Variants in SHOX observed in about 807,000 individuals in gnomAD.
The protein encoded by SHOX is SHOX homeobox, also known as short stature homeobox protein.
Under a neutral mutation model 29.6 loss-of-function variants are expected in SHOX, and 12 were observed. The observed-to-expected ratio is 0.41, with a 90% confidence interval of 0.26 to 0.66. SHOX has a LOEUF of 0.66. Ranked by LOEUF, SHOX falls within the 30% of genes least tolerant of loss-of-function variation. The probability of loss-of-function intolerance (pLI) is 0.35; values close to 1 mark genes in which losing one functional copy is unlikely to be tolerated. For synonymous variants in SHOX, 214 were observed against 200.6 expected (o/e 1.07, Z -0.57); for missense variants, 499 against 437.7 (o/e 1.14, Z -1.25).
upstream of SHOX, chrX:630,745 G>A: frequency 1.0e-6 from 1 of 961,146 alleles, no homozygotes; most frequent in Non-Finnish European, 1.6e-6. Context: ...ATGGGGGGCT[G>A]GGCGAGGTCG....
intron 1 of SHOX, 108 bp from the exon 2 acceptor site, chrX:634,510 G>T: frequency 2.5e-6 from 3 of 1,204,680 alleles, no homozygotes; most frequent in South Asian, 1.3e-5. Context: ...GCGTCAAAGC[G>T]CATTGGTTTT....
At chrX:627,884 G>A (rs778308967), upstream of SHOX, among the ~76,000 whole-genome samples, 9 of 152,164 alleles carry the variant, frequency 5.9e-5, no homozygotes, top group Non-Finnish European at 1.5e-5. Context: ...GTTTTCGGTA[G>A]GGAGACAGTG....
At position 650,833 on chromosome X, in the gene SHOX, T is replaced by G. The variant is rs2053049614; in HGVS notation, c.*6197T>G. On this transcript the variant is annotated 3_prime_UTR_variant, in exon 5 of 5. Transcript: ENST00000686671. ...AAAAAAAAAAAACTGGTGCCTAATT[T>G]ATTAAAGAGAATTAGCTTAGCGAGT... is the stretch of plus-strand genomic sequence containing the variant. Among the ~76,000 whole-genome samples, 2 of 146,874 alleles carry G rather than the reference T, an allele frequency of 1.4e-5. No individual in the cohort carries two copies. The highest frequency in any genetic ancestry group is 2.5e-5 in the African/African-American group (1 of 40,298).
At position 650,808 on chromosome X, in the gene SHOX, A is replaced by AAAAAAAC. The variant is rs1556473192; in HGVS notation, c.*6178_*6179insCAAAAAA. Among the ~76,000 whole-genome samples the AAAAAAAC allele has an allele frequency of 8.2e-5, 12 of 147,150 alleles. No individual in the cohort carries two copies. The highest frequency in any genetic ancestry group is 3.9e-4 in the East Asian group (2 of 5,146). On this transcript the variant is annotated 3_prime_UTR_variant, in exon 5 of 5. Transcript: ENST00000686671. ...GTTTGACATTAAAAAAAAAAAAAAAAAAAAAAAAAAACTGGTGCCTAATTT... is the reference window on the plus strand; with the variant it reads ...GTTTGACATTAAAAAAAAAAAAAAAAAAAAAACAAAAAAAAAAACTGGTGCCTAATTT...
chrX:648,450 C>T lies in SHOX; in HGVS notation c.*3814C>T, dbSNP rs1156704804. 6.6e-6 allele frequency among the ~76,000 whole-genome samples: 1 copy of T among 152,212 alleles called. No individual in the cohort carries two copies. Among genetic ancestry groups the T allele is most frequent in the Non-Finnish European group, 1.5e-5 (1 of 68,042 alleles). On this transcript the variant is annotated 3_prime_UTR_variant, in exon 5 of 5. Transcript: ENST00000686671. ...CTGTGTTGGCCCGGCTGGTCTCAAA[C>T]TCCTGACCTCAGGTTGACCTGCCCG...
intron 5 of SHOX, among the ~76,000 whole-genome samples, chrX:658,340 C>G (rs2053176016): frequency 6.6e-6 from 1 of 151,952 alleles, no homozygotes; most frequent in South Asian, 2.1e-4. Context: ...TGAAGATAGA[C>G]AGACTCAGTG....
upstream of SHOX, among the ~76,000 whole-genome samples, chrX:628,624 C>T (rs1216716090): frequency 3.9e-5 from 1 of 25,594 alleles, no homozygotes; most frequent in Non-Finnish European, 7.8e-5. Context: ...TCTGTCTCTC[C>T]CTGTGTTTCT....
chrX:633,121 C>T (rs2052678978), intron 1 of SHOX, among the ~76,000 whole-genome samples: 1 of 152,156 alleles, frequency 6.6e-6, no homozygotes, highest in African/African-American at 2.4e-5. Context: ...GACTGCCACC[C>T]AGGCTACTAT....
chrX:624,718 T>TTTCTTTC (rs1569491584), intron 1 of SHOX: 1 of 143,832 alleles, frequency 7.0e-6, no homozygotes, highest in African/African-American at 2.7e-5. Flanking sequence ...TCTTTCTTTC[T>TTTCTTTC]TTCTTTCTTT....
At chrX:643,156 G>C (rs1017119645) in intron 4 of SHOX, among the ~76,000 whole-genome samples, 1 of 147,396 alleles carries the variant, frequency 6.8e-6, no homozygotes, top group Non-Finnish European at 1.5e-5. Context: ...TGTCCTGAAA[G>C]AGCCTTGGGG....
At chrX:625,624 T>C (rs2052512698) in intron 1 of SHOX, among the ~76,000 whole-genome samples, 2 of 151,354 alleles carry the variant, frequency 1.3e-5, no homozygotes, top group South Asian at 4.2e-4. Context: ...TCTCTGTCTC[T>C]GTCTGTATCT....
At chrX:640,326 GAGAGCA>G (rs2124181775) in intron 2 of SHOX, among the ~76,000 whole-genome samples, 2 of 151,210 alleles carry the variant, frequency 1.3e-5, no homozygotes, top group East Asian at 3.9e-4. Flanking sequence ...GCCTGGACCA[GAGAGCA>G]AGACTCCGTC....
downstream of SHOX, among the ~76,000 whole-genome samples, chrX:655,900 C>T (rs73607290): frequency 0.058 from 8,812 of 151,642 alleles, 326 homozygotes; most frequent in South Asian, 0.12. Flanking sequence ...TTAGGCTGGA[C>T]GTGGTAGCTC....
chrX:651,926 A>ATT (rs61105511), downstream of SHOX, among the ~76,000 whole-genome samples: 2 of 148,382 alleles, frequency 1.3e-5, no homozygotes, highest in Admixed American at 6.7e-5. Flanking sequence ...TAATTAATTT[A>ATT]TTTTTTTTTT....
In SHOX at chrX:644,870, T is replaced by C. The variant is rs2124195361; in HGVS notation, c.*234T>C. ...GGCGGAGCGGGTGAGCGGCCGTGCG[T>C]CCAGCCCGGGCCTCTCCAAGGCTGC... On this transcript the variant is annotated 3_prime_UTR_variant, in exon 5 of 5. Coordinates refer to ENST00000686671, the MANE Select transcript of SHOX (RefSeq NM_000451.4). The C allele has an allele frequency of 1.9e-6, 1 of 539,558 alleles. No individual in the cohort carries two copies. The highest frequency in any genetic ancestry group is 3.0e-6 in the Non-Finnish European group (1 of 335,208). 33.4% of individuals were successfully genotyped at this position (539,558 alleles called of 1,614,324 possible).
intron 2 of SHOX, among the ~76,000 whole-genome samples, chrX:636,970 A>ATATAT (rs1458275715): frequency 3.6e-5 from 5 of 137,322 alleles, no homozygotes; most frequent in African/African-American, 1.1e-4. Flanking sequence ...ATATATATAT[A>ATATAT]TTTTGGCTCC....
chrX:644,262 C>G (rs1343921556), intron 4 of SHOX, 129 bp from the exon 5 acceptor site: 52 of 1,241,464 alleles, frequency 4.2e-5, no homozygotes, highest in Non-Finnish European at 5.2e-5. Context: ...GGGGTGGTCT[C>G]CACGGCTGGA....
intron 5 of SHOX, among the ~76,000 whole-genome samples, chrX:658,526 A>G (rs745577765): frequency 5.4e-5 from 8 of 148,052 alleles, no homozygotes; most frequent in South Asian, 2.1e-4. Context: ...GCTGGAGTGC[A>G]GTGGCACGAT....
chrX:627,892 G>A (rs2052566923), upstream of SHOX, among the ~76,000 whole-genome samples: 1 of 152,186 alleles, frequency 6.6e-6, no homozygotes, highest in Admixed American at 6.5e-5. Context: ...TAGGGAGACA[G>A]TGAGCAGCTG....
Sources: allele counts gnomAD v4.1 joint callset (sites outside exome capture counted in the v4.1 genomes callset), GRCh38; gene constraint gnomAD v4.1.1; transcripts MANE v1.5; gene names NCBI Gene and HGNC (gene_info 2026-07-23, HGNC 2026-07-21).